The following GABRA2 variants were observed in gnomAD, a reference collection of about 807,000 sequenced individuals.
The protein encoded by GABRA2 is gamma-aminobutyric acid type A receptor subunit alpha2.
Under a neutral mutation model 48.7 loss-of-function variants are expected in GABRA2, and 16 were observed. The observed-to-expected ratio is 0.33, with a 90% CI of 0.22 to 0.50. The LOEUF (loss-of-function observed/expected upper bound fraction) is 0.50. GABRA2 is among the 20% of genes least tolerant of loss of function. The pLI is 0.98. For synonymous variants in GABRA2, 185 were observed against 184.5 expected, an observed-to-expected ratio of 1.00 and a Z score of -0.02; for missense variants, 275 against 535.6, an observed-to-expected ratio of 0.51 and a Z score of 4.80.
intron 3 of GABRA2, among the ~76,000 whole-genome samples, chr4:46,376,594 A>G (rs764564609): frequency 5.9e-5 from 9 of 152,160 alleles, no homozygotes; most frequent in Non-Finnish European, 1.2e-4. Flanking sequence ...GTTCATTAAA[A>G]CATGGGTAGT....
chr4:46,261,604 T>C, intron 9 of GABRA2: 1 of 440,416 alleles, frequency 2.3e-6, no homozygotes, highest in Middle Eastern at 6.0e-4. Context: ...CTTCAGATTC[T>C]TCATGAGTAA....
At position 46,250,048 on chromosome 4, in the gene GABRA2, A is replaced by G. The variant is rs1577740117; in HGVS notation, c.*260T>C. ...GGAAGAATAGGAAATTAATCAGGTC[A>G]CTTGAAATTCACTTTAAATCAGGTC... On this transcript the variant is annotated 3_prime_UTR_variant, in exon 10 of 10. Transcript: ENST00000381620. The G allele has an allele frequency of 2.7e-6, 1 of 363,744 alleles. No individual in the cohort carries two copies. The highest frequency in any genetic ancestry group is 5.0e-6 in the Non-Finnish European group (1 of 200,326). 22.5% of individuals were successfully genotyped at this position (363,744 alleles called of 1,614,324 possible).
chr4:46,252,588 T>C (rs1221958463), intron 9 of GABRA2, among the ~76,000 whole-genome samples: 1 of 151,548 alleles, frequency 6.6e-6, no homozygotes, highest in Non-Finnish European at 1.5e-5. Flanking sequence ...TCTAAACCTC[T>C]GCTTTTAAAC....
Position 46,250,506 on chromosome 4 carries a change from G to A in GABRA2, c.1158C>T (p.Thr386=). ...CTGGCGTGGTTGCACTCTTGGAGAT[G>A]GTGGAGAGAACTGGATCTTTTGAAA... ...PNLSKDPVLS[T]ISKSATTPEP... is the part of the protein sequence containing the mutation. The change falls in exon 10 of 10, where the codon ACC becomes ACT. Residue 386 remains threonine (T), a synonymous_variant. Coordinates refer to ENST00000381620, the MANE Select transcript of GABRA2 (RefSeq NM_000807.4). The A allele has an allele frequency of 6.2e-7, 1 of 1,611,860 alleles. No individual in the cohort carries two copies. The highest frequency in any genetic ancestry group is 8.5e-7 in the Non-Finnish European group (1 of 1,178,570).
intron 8 of GABRA2, among the ~76,000 whole-genome samples, chr4:46,296,661 A>C (rs1490085357): frequency 6.6e-6 from 1 of 151,108 alleles, no homozygotes; most frequent in Non-Finnish European, 1.5e-5. Flanking sequence ...AGGGGGAAAA[A>C]AAAAAAGAAA....
chr4:46,335,359 C>A (rs1238179343), intron 3 of GABRA2, among the ~76,000 whole-genome samples: 1 of 152,128 alleles, frequency 6.6e-6, no homozygotes, highest in African/African-American at 2.4e-5. Context: ...TATTCTGATC[C>A]ATTGAACAGA....
At chr4:46,326,956 C>G (rs1050229607) in intron 4 of GABRA2, among the ~76,000 whole-genome samples, 1 of 144,384 alleles carries the variant, frequency 6.9e-6, no homozygotes, top group Non-Finnish European at 1.5e-5. Context: ...TTCTATACTT[C>G]TTCTTCCACC....
chr4:46,358,761 T>A (rs1313482435), intron 3 of GABRA2, among the ~76,000 whole-genome samples: 1 of 152,192 alleles, frequency 6.6e-6, no homozygotes, highest in Non-Finnish European at 1.5e-5. Flanking sequence ...CTCTGAGCAA[T>A]CTTCTATCAG....
chr4:46,359,923 C>CA (rs538528735), intron 3 of GABRA2, among the ~76,000 whole-genome samples: 69,017 of 144,116 alleles, frequency 0.48, 16,145 homozygotes, highest in South Asian at 0.6. Context: ...TCTCAAAAAA[C>CA]AAAAAAAAAA....
At chr4:46,302,966 T>C (rs1027955312) in intron 8 of GABRA2, among the ~76,000 whole-genome samples, 4 of 152,194 alleles carry the variant, frequency 2.6e-5, no homozygotes, top group African/African-American at 9.6e-5. Context: ...GCCCCTATTT[T>C]ACCTTGTGCT....
chr4:46,252,830 T>C (rs1205638769), intron 9 of GABRA2, among the ~76,000 whole-genome samples: 1 of 151,500 alleles, frequency 6.6e-6, no homozygotes, highest in African/African-American at 2.4e-5. Flanking sequence ...AGAAATTTCC[T>C]TAATGTTTTT....
At chr4:46,361,288 G>T (rs1439793140) in intron 3 of GABRA2, among the ~76,000 whole-genome samples, 1 of 152,150 alleles carries the variant, frequency 6.6e-6, no homozygotes, top group Non-Finnish European at 1.5e-5. Flanking sequence ...CCCCTGCTGT[G>T]TGCAGTATAG....
chr4:46,368,020 A>C (rs1714309476), intron 3 of GABRA2: 1 of 152,068 alleles, frequency 6.6e-6, no homozygotes, highest in Non-Finnish European at 1.5e-5. Flanking sequence ...ACACCTAGCC[A>C]CATCTTTCCC....
intron 3 of GABRA2, among the ~76,000 whole-genome samples, chr4:46,352,740 T>C (rs555533571): frequency 6.6e-6 from 1 of 152,188 alleles, no homozygotes; most frequent in African/African-American, 2.4e-5. Context: ...CAGAGAACAA[T>C]CTAAGGCTCT....
chr4:46,303,404 T>C, intron 8 of GABRA2, 56 bp downstream of exon 8: 7 of 1,492,512 alleles, frequency 4.7e-6, no homozygotes, highest in South Asian at 1.1e-5. Flanking sequence ...GATAATGTTT[T>C]TGAAAGTATG....
At chr4:46,293,480 C>T (rs186367541) in intron 8 of GABRA2, among the ~76,000 whole-genome samples, 2 of 152,298 alleles carry the variant, frequency 1.3e-5, no homozygotes, top group Admixed American at 6.5e-5. Flanking sequence ...CAAAACGTCA[C>T]TGTGGTCCTC....
chr4:46,348,228 C>T (rs1024555169), intron 3 of GABRA2, among the ~76,000 whole-genome samples: 1 of 151,964 alleles, frequency 6.6e-6, no homozygotes, highest in Non-Finnish European at 1.5e-5. Context: ...CAATGAGATA[C>T]CATCTCACAC....
intron 8 of GABRA2, among the ~76,000 whole-genome samples, chr4:46,275,154 T>C (rs1720238340): frequency 6.6e-6 from 1 of 152,080 alleles, no homozygotes. Flanking sequence ...GATTCACCTA[T>C]TTCTGGTCTC....
chr4:46,317,374 C>T (rs1426007087), intron 4 of GABRA2, among the ~76,000 whole-genome samples: 2 of 151,440 alleles, frequency 1.3e-5, no homozygotes, highest in African/African-American at 4.8e-5. Flanking sequence ...ATTAGAATCT[C>T]GATTTTTATA....
Sources: gnomAD v4.1 joint callset for allele counts (sites outside exome capture counted in the v4.1 genomes callset) on GRCh38, gnomAD v4.1.1 for gene constraint, MANE v1.5 for transcripts, NCBI Gene and HGNC (gene_info 2026-07-23, HGNC 2026-07-21) for gene names.